Variants in DACH2 observed in about 807,000 individuals in gnomAD.
The protein encoded by DACH2 is dachshund homolog 2.
A neutral mutation model predicts 35.8 loss-of-function variants in DACH2; 17 were observed. The ratio of observed to expected loss-of-function variants is 0.48; its 90% CI spans 0.33 to 0.71. The LOEUF is 0.71. Ranked by LOEUF, DACH2 falls within the 30% of genes least tolerant of loss-of-function variation. DACH2 has a pLI of 0.02. For missense variants in DACH2, 469 were observed against 472.7 expected, an observed-to-expected ratio of 0.99 and a Z score of 0.07; for synonymous variants, 195 against 177.3, an observed-to-expected ratio of 1.10 and a Z score of -0.79.
intron 3 of DACH2, among the ~76,000 whole-genome samples, chrX:86,640,413 C>T (rs754104666): frequency 1.8e-5 from 2 of 111,849 alleles, no homozygotes; most frequent in East Asian, 2.8e-4. Context: ...ACAACTCTCA[C>T]GGTTCATAAC....
At chrX:86,152,517 G>C (rs1279873991) in intron 1 of DACH2, among the ~76,000 whole-genome samples, 3 of 111,331 alleles carry the variant, frequency 2.7e-5, no homozygotes, top group Non-Finnish European at 5.7e-5. Flanking sequence ...TTTGTTGTTA[G>C]CCAATTATAA....
intron 1 of DACH2, among the ~76,000 whole-genome samples, chrX:86,369,948 A>G (rs2035861992): frequency 9.0e-6 from 1 of 111,528 alleles, no homozygotes; most frequent in Admixed American, 9.6e-5. Flanking sequence ...TTATAAAAAT[A>G]ACCTTAAAGA....
chrX:86,726,138 C>T (rs1000590493), intron 6 of DACH2, among the ~76,000 whole-genome samples: 1 of 111,559 alleles, frequency 9.0e-6, no homozygotes, highest in Admixed American at 9.5e-5. Context: ...GAGGGTGGGG[C>T]CCCTCATAGC....
At chrX:86,738,102 G>T (rs752636212) in intron 6 of DACH2, among the ~76,000 whole-genome samples, 8 of 111,436 alleles carry the variant, frequency 7.2e-5, no homozygotes, top group Non-Finnish European at 1.1e-4. Context: ...CTGGTGATCA[G>T]ATTGGGTCCA....
chrX:86,532,492 C>T (rs2038736696), intron 3 of DACH2, among the ~76,000 whole-genome samples: 1 of 110,066 alleles, frequency 9.1e-6, no homozygotes, highest in Non-Finnish European at 1.9e-5. Flanking sequence ...CTCTCTCTCT[C>T]TCTCTCTCTC....
At chrX:86,283,460 A>G (rs2034075461) in intron 1 of DACH2, among the ~76,000 whole-genome samples, 1 of 111,494 alleles carries the variant, frequency 9.0e-6, no homozygotes, top group African/African-American at 3.3e-5. Flanking sequence ...TCACAATAGC[A>G]AAGACTCAGA....
intron 1 of DACH2, among the ~76,000 whole-genome samples, chrX:86,252,308 T>C (rs992787356): frequency 8.1e-5 from 9 of 111,652 alleles, no homozygotes; most frequent in Non-Finnish European, 1.7e-4. Context: ...TTTATTCTGC[T>C]GACTGCTTCT....
At chrX:86,439,138 A>G (rs1296155120) in intron 2 of DACH2, among the ~76,000 whole-genome samples, 1 of 112,205 alleles carries the variant, frequency 8.9e-6, no homozygotes, top group Non-Finnish European at 1.9e-5. Flanking sequence ...CATTTTCCTG[A>G]TGATTAATGA....
chrX:86,416,252 A>G (rs907190967), intron 2 of DACH2, among the ~76,000 whole-genome samples: 1 of 112,341 alleles, frequency 8.9e-6, no homozygotes, highest in South Asian at 3.7e-4. Context: ...TGTAAATTCC[A>G]GAGAGCTTGA....
At chrX:86,292,025 G>T (rs1176284996) in intron 1 of DACH2, among the ~76,000 whole-genome samples, 2 of 65,943 alleles carry the variant, frequency 3.0e-5, no homozygotes, top group African/African-American at 7.5e-5. Flanking sequence ...TGTACCTCTG[G>T]TAGAATTCGG....
chrX:86,803,844 G>GAAAT (rs1198927595), intron 7 of DACH2, among the ~76,000 whole-genome samples: 2 of 111,150 alleles, frequency 1.8e-5, no homozygotes, highest in African/African-American at 6.5e-5. Flanking sequence ...CAATGAGGTA[G>GAAAT]AAATAGGGGT....
chrX:86,721,569 C>T lies in DACH2; in HGVS notation c.1104+6849C>T, dbSNP rs141562534. ...CAATGAGTCTCTAGAAAGTTCCAAA[C>T]GTTATCACATCTTCCTGTCTTCTTC... On this transcript the variant is annotated intron_variant, in intron 6 of 11. Coordinates refer to ENST00000373125, the MANE Select transcript of DACH2 (RefSeq NM_053281.3). 4.6e-3 allele frequency among the ~76,000 whole-genome samples: 516 copies of T among 111,805 alleles called. 3 individuals are homozygous for T. Among genetic ancestry groups the T allele is most frequent in the African/African-American group, 0.016 (482 of 30,757 alleles).
Position 86,332,936 on chromosome X carries a change from A to G in DACH2, c.489-43888A>G, listed in dbSNP as rs2035238663. ...CATGTGTTATAGTCTGCTTAATGCT[A>G]TCATTTTAATCAAGCTTTCAGTAAT... On this transcript the variant is annotated intron_variant, in intron 1 of 11. Transcript: ENST00000373125. 2.7e-5 allele frequency among the ~76,000 whole-genome samples: 3 copies of G among 112,080 alleles called. No homozygotes were observed. The South Asian group carries it at 1.1e-3, about 41-fold the overall frequency.
intron 3 of DACH2, among the ~76,000 whole-genome samples, chrX:86,522,390 G>A (rs762455300): frequency 9.0e-6 from 1 of 111,275 alleles, no homozygotes; most frequent in Non-Finnish European, 1.9e-5. Context: ...ATTCACTAAG[G>A]TAAGTCCCTT....
intron 2 of DACH2, among the ~76,000 whole-genome samples, chrX:86,504,890 T>C (rs2038301898): frequency 9.0e-6 from 1 of 111,664 alleles, no homozygotes; most frequent in Non-Finnish European, 1.9e-5. Context: ...GCCTCACAAA[T>C]GTTTTCCTGT....
At chrX:86,514,700 G>A (rs1363816896) in intron 3 of DACH2, among the ~76,000 whole-genome samples, 1 of 111,514 alleles carries the variant, frequency 9.0e-6, no homozygotes, top group African/African-American at 3.3e-5. Flanking sequence ...GCATCATCTC[G>A]AAGCCTCCTA....
intron 2 of DACH2, among the ~76,000 whole-genome samples, chrX:86,423,322 C>T (rs952580275): frequency 5.6e-4 from 62 of 110,946 alleles, no homozygotes; most frequent in Middle Eastern, 4.6e-3. Flanking sequence ...ACATCCTGAC[C>T]ACCATTTTTT....
intron 1 of DACH2, among the ~76,000 whole-genome samples, chrX:86,224,478 A>T (rs1320900592): frequency 9.0e-6 from 1 of 111,184 alleles, no homozygotes; most frequent in Non-Finnish European, 1.9e-5. Context: ...ACGGTAAATG[A>T]CCCAAATTAC....
At chrX:86,414,917 G>A (rs1298652480) in intron 2 of DACH2, among the ~76,000 whole-genome samples, 1 of 111,567 alleles carries the variant, frequency 9.0e-6, no homozygotes, top group African/African-American at 3.3e-5. Context: ...GTTCCCTAGA[G>A]GGACAGGACT....
Sources: gnomAD v4.1 joint callset for allele counts (sites outside exome capture counted in the v4.1 genomes callset) on GRCh38, gnomAD v4.1.1 for gene constraint, MANE v1.5 for transcripts, NCBI Gene and HGNC (gene_info 2026-07-23, HGNC 2026-07-21) for gene names.